The following ADAM23 variants were observed in gnomAD, a reference collection of about 807,000 sequenced individuals.
ADAM23 encodes disintegrin and metalloproteinase domain-containing protein 23.
A neutral mutation model predicts 120.1 loss-of-function variants in ADAM23; 33 were observed. The observed-to-expected ratio is 0.27, with a 90% CI of 0.21 to 0.37. The LOEUF (loss-of-function observed/expected upper bound fraction) is 0.37. Among genes scored for constraint, ADAM23 ranks in the 10% least tolerant of loss-of-function variants. ADAM23 has a pLI of 1.00. For missense variants in ADAM23, 862 were observed against 1,058.2 expected (o/e 0.81, Z 2.57); for synonymous variants, 367 against 375.2 (o/e 0.98, Z 0.25).
intron 3 of ADAM23, among the ~76,000 whole-genome samples, chr2:206,504,614 A>C (rs1696457934): frequency 6.6e-6 from 1 of 152,198 alleles, no homozygotes; most frequent in South Asian, 2.1e-4. Flanking sequence ...GCTTTATTTC[A>C]ATTTTTAGCA....
At chr2:206,611,342 G>A (rs950272662) in intron 25 of ADAM23, among the ~76,000 whole-genome samples, 1 of 151,954 alleles carries the variant, frequency 6.6e-6, no homozygotes, top group Admixed American at 6.6e-5. Context: ...TATTGTTTTG[G>A]TATTAATAAA....
Position 206,563,727 on chromosome 2 carries a change from C to CT in ADAM23, c.1346-1273dup, listed in dbSNP as rs3084932. Among the ~76,000 whole-genome samples the CT allele has an allele frequency of 5.7e-3, 802 of 140,482 alleles. 11 individuals are homozygous for CT. Among genetic ancestry groups the CT allele is most frequent in the African/African-American group, 0.016 (589 of 37,818 alleles). 92.2% of individuals were successfully genotyped at this position (140,482 alleles called of 152,430 possible). A position where few individuals can be genotyped will look rare whatever the true frequency, so the allele number is the denominator to read the frequency against. ...CCATCGTTCCCTCCTTCCTAAAATT[C>CT]TTTTTTTTTTTTTTTTTTTTGAGAA... On this transcript the variant is annotated intron_variant, in intron 13 of 25. Transcript: ENST00000264377.
chr2:206,523,029 C>G (rs1326608560), intron 3 of ADAM23, among the ~76,000 whole-genome samples: 1 of 152,144 alleles, frequency 6.6e-6, no homozygotes, highest in Non-Finnish European at 1.5e-5. Context: ...ATACCACCCT[C>G]CTCAGAAGGG....
intron 3 of ADAM23, among the ~76,000 whole-genome samples, chr2:206,482,351 G>C (rs1695914963): frequency 6.6e-6 from 1 of 152,188 alleles, no homozygotes; most frequent in Admixed American, 6.5e-5. Flanking sequence ...CAGTTTGTCT[G>C]CCTAAGGGAC....
chr2:206,576,957 A>G (rs957499238), intron 18 of ADAM23, among the ~76,000 whole-genome samples: 7 of 152,180 alleles, frequency 4.6e-5, no homozygotes, highest in African/African-American at 7.2e-5. Context: ...TCTAAATGCT[A>G]TTGCACTATT....
chr2:206,445,984 G>A (rs1310041122), intron 2 of ADAM23, among the ~76,000 whole-genome samples: 3 of 152,096 alleles, frequency 2.0e-5, no homozygotes, highest in Admixed American at 1.3e-4. Flanking sequence ...GAAATTGAGT[G>A]TTTAAACAGT....
At position 206,617,797 on chromosome 2, in the gene ADAM23, G is replaced by T; in HGVS notation, c.*170G>T. 1 of 1,370,826 alleles carries T rather than the reference G, an allele frequency of 7.3e-7. No individual in the cohort carries two copies. Among genetic ancestry groups the T allele is most frequent in the Non-Finnish European group, 9.6e-7 (1 of 1,046,624 alleles). 84.9% of individuals were successfully genotyped at this position (1,370,826 alleles called of 1,614,324 possible). ...GGGGTAAAAGAAAACTGTCTCTTTTGGAAATAATGTCAAAGAACACCTTTC... is the reference window on the plus strand; with the variant it reads ...GGGGTAAAAGAAAACTGTCTCTTTTTGAAATAATGTCAAAGAACACCTTTC... On this transcript the variant is annotated 3_prime_UTR_variant, in exon 26 of 26. Transcript: ENST00000264377.
chr2:206,530,810 A>T, intron 3 of ADAM23, 75 bp from the exon 4 acceptor site: 3 of 1,368,132 alleles, frequency 2.2e-6, no homozygotes, highest in Non-Finnish European at 3.1e-6. Context: ...CCTCACGTTC[A>T]TTTATTGAGC....
In ADAM23 at chr2:206,443,945, C is replaced by T. The variant is rs927616810; in HGVS notation, c.79C>T (p.Arg27Cys). The T allele has an allele frequency of 5.3e-5, 67 of 1,259,582 alleles. No individual in the cohort carries two copies. Among genetic ancestry groups the T allele is most frequent in the African/African-American group, 2.7e-4 (17 of 63,928 alleles). The allele number at this position is 1,259,582 out of a possible 1,614,324, so 78.0% of individuals were successfully genotyped here. A position where few individuals can be genotyped will look rare whatever the true frequency, so the allele number is the denominator to read the frequency against. ...SLAGASCGPQ[R>C]GPAGSVPASA... is the part of the protein sequence containing the mutation. ...TGCCGGCGCTTCCTGCGGCCCCCAA[C>T]GCGGCCCCGCCGGCTCGGTGCCTGC... Residue 27 changes from arginine to cysteine, a missense_variant, in exon 1 of 26, where the codon CGC becomes TGC. Around this residue, in one of 4 missense-constraint regions of ADAM23, gnomAD observed 225 missense variants for 204.0 expected, o/e 1.10. Coordinates refer to ENST00000264377, the MANE Select transcript of ADAM23 (RefSeq NM_003812.4).
At chr2:206,451,690 T>C (rs907358063) in intron 2 of ADAM23, among the ~76,000 whole-genome samples, 1 of 152,186 alleles carries the variant, frequency 6.6e-6, no homozygotes, top group Non-Finnish European at 1.5e-5. Context: ...AGAGCCAGGA[T>C]TTGAATCCAG....
At chr2:206,522,483 TA>T (rs1193408436) in intron 3 of ADAM23, among the ~76,000 whole-genome samples, 1 of 151,940 alleles carries the variant, frequency 6.6e-6, no homozygotes. Flanking sequence ...AAGAAAAAAG[TA>T]AAAAAATGAA....
chr2:206,530,796 T>C (rs1449541900), intron 3 of ADAM23, 89 bp from the exon 4 acceptor site: 1 of 1,025,596 alleles, frequency 9.8e-7, no homozygotes, highest in Non-Finnish European at 1.4e-6. Context: ...CTGGTTTGCA[T>C]GCCCCTCACG....
At chr2:206,550,823 G>C (rs1697508015) in intron 9 of ADAM23, among the ~76,000 whole-genome samples, 1 of 152,108 alleles carries the variant, frequency 6.6e-6, no homozygotes, top group Non-Finnish European at 1.5e-5. Context: ...GGATGGTCTC[G>C]ATCTCCTGAC....
In ADAM23 at chr2:206,599,218, AAAAG is replaced by A. The variant is rs1698589601; in HGVS notation, c.2359+3058_2359+3061del. On this transcript the variant is annotated intron_variant, in intron 24 of 25. Coordinates refer to ENST00000264377, the MANE Select transcript of ADAM23 (RefSeq NM_003812.4). ...AGATTCCATCTCAAAAAAAAAAAAA[AAAAG>A]AGATAAGCATTCTGGTATGCTTCTT... 2.6e-5 allele frequency among the ~76,000 whole-genome samples: 4 copies of A among 152,006 alleles called. No individual in the cohort carries two copies. The South Asian group carries it at 8.3e-4, about 31-fold the overall frequency.
At chr2:206,507,851 A>G (rs970866212) in intron 3 of ADAM23, among the ~76,000 whole-genome samples, 8 of 152,100 alleles carry the variant, frequency 5.3e-5, no homozygotes, top group African/African-American at 1.7e-4. Context: ...ACTTTATTTT[A>G]GCCCGTAAAT....
At chr2:206,542,486 G>T (rs1467702187) in intron 5 of ADAM23, among the ~76,000 whole-genome samples, 1 of 152,106 alleles carries the variant, frequency 6.6e-6, no homozygotes, top group Non-Finnish European at 1.5e-5. Context: ...GAGTCAGTAG[G>T]CCTTAGATCT....
chr2:206,601,852 A>T (rs561341184), intron 24 of ADAM23, among the ~76,000 whole-genome samples: 1 of 152,222 alleles, frequency 6.6e-6, no homozygotes, highest in South Asian at 2.1e-4. Flanking sequence ...GTGAAACAAT[A>T]ACCAGGTAGT....
chr2:206,445,530 C>T lies in ADAM23; in HGVS notation c.432+6C>T. The T allele has an allele frequency of 1.9e-6, 3 of 1,607,602 alleles. No homozygotes were observed. The South Asian group carries it at 3.3e-5, about 18-fold the overall frequency. On this transcript the variant is annotated splice_donor_region_variant and intron_variant, in intron 2 of 25. Transcript: ENST00000264377. The stretch of plus-strand genomic sequence containing the variant: ...ACCAGCAAAAACATAATAAGGTAGG[C>T]AGGAGGCTGGCTATGCAAAAGTAAC...
intron 3 of ADAM23, among the ~76,000 whole-genome samples, chr2:206,502,459 G>T (rs1696407471): frequency 6.6e-6 from 1 of 151,966 alleles, no homozygotes; most frequent in South Asian, 2.1e-4. Context: ...CCAAAAATTG[G>T]TATTTTTCCA....
Sources: allele counts gnomAD v4.1 joint callset (sites outside exome capture counted in the v4.1 genomes callset), GRCh38; gene constraint gnomAD v4.1.1; regional missense constraint gnomAD v4.1.1; transcripts MANE v1.5; gene names NCBI Gene and HGNC (gene_info 2026-07-23, HGNC 2026-07-21).